Variants in UBE3B observed in about 807,000 individuals in gnomAD.
The protein encoded by UBE3B is ubiquitin-protein ligase E3B.
In UBE3B, 80 loss-of-function variants were observed where a neutral mutation model predicts 132.3. The observed-to-expected ratio is 0.60, with a 90% CI of 0.50 to 0.73. The LOEUF (loss-of-function observed/expected upper bound fraction) is 0.73, where lower values mean the gene tolerates loss of function less well. UBE3B is among the 30% of genes least tolerant of loss of function. The pLI is 0.00. For synonymous variants in UBE3B, 487 were observed against 520.4 expected (o/e 0.94, Z 0.87); for missense variants, 1,196 against 1,362.5 (o/e 0.88, Z 1.92).
intron 6 of UBE3B, among the ~76,000 whole-genome samples, chr12:109,487,060 C>T (rs1876623956): frequency 6.6e-6 from 1 of 152,068 alleles, no homozygotes; most frequent in African/African-American, 2.4e-5. Context: ...GGGGTCACCT[C>T]GTCCTTTCCT....
intron 23 of UBE3B, 94 bp downstream of exon 23, chr12:109,524,597 G>C: frequency 7.2e-7 from 1 of 1,390,276 alleles, no homozygotes; most frequent in Non-Finnish European, 1.0e-6. Context: ...AGAGCCCCAA[G>C]CTGAGGCTCT....
At chr12:109,509,469 C>T (rs1392439570) in intron 15 of UBE3B, 127 bp from the exon 16 acceptor site, 1 of 597,386 alleles carries the variant, frequency 1.7e-6, no homozygotes, top group South Asian at 2.3e-5. Context: ...GTAGATTTTA[C>T]AGTAAGTATC....
In UBE3B at chr12:109,511,400, G is replaced by C. The variant is rs1880355674; in HGVS notation, c.1956+97G>C. The C allele has an allele frequency of 1.4e-5, 15 of 1,092,120 alleles. No homozygotes were observed. In the South Asian group the frequency reaches 2.2e-4, roughly 16 times the overall value. The allele number at this position is 1,092,120 out of a possible 1,614,324, so 67.7% of individuals were successfully genotyped here. A position where few individuals can be genotyped will look rare whatever the true frequency, so the allele number is the denominator to read the frequency against. ...TGCTATGGCAATTGGAGGTGACTAA[G>C]TGGGATCATTCATTCAGCACAAGGA... On this transcript the variant is annotated intron_variant, in intron 18 of 27. Coordinates refer to ENST00000342494, the MANE Select transcript of UBE3B (RefSeq NM_130466.4).
At chr12:109,502,650 C>A (rs1226431134) in intron 13 of UBE3B, among the ~76,000 whole-genome samples, 1 of 152,110 alleles carries the variant, frequency 6.6e-6, no homozygotes, top group African/African-American at 2.4e-5. Context: ...CCTCTAAAGG[C>A]ACAGAAAATA....
At chr12:109,515,070 C>T (rs910346489) in intron 18 of UBE3B, among the ~76,000 whole-genome samples, 1 of 151,808 alleles carries the variant, frequency 6.6e-6, no homozygotes, top group East Asian at 2.0e-4. Flanking sequence ...CTCGCCACCA[C>T]GCCCAGCTAA....
Position 109,503,032 on chromosome 12 carries a change from A to T in UBE3B, c.1292A>T (p.Lys431Met). 1.9e-6 allele frequency: 3 copies of T among 1,614,100 alleles called. No individual in the cohort carries two copies. Among genetic ancestry groups the T allele is most frequent in the Non-Finnish European group, 2.5e-6 (3 of 1,180,022 alleles). The change falls in exon 14 of 28, where the codon AAG (lysine) becomes ATG (methionine). Residue 431 changes from lysine (K) to methionine (M), a missense_variant. Coordinates refer to ENST00000342494, the MANE Select transcript of UBE3B (RefSeq NM_130466.4). The part of the protein sequence containing the change: ...QNVLPVKSLL[K>M]RAFQKSASVR... ...CTTTTCTCCATGCCAGGTCTCCTAA[A>T]GCGTGCTTTTCAAAAGTCGGCATCA...
At chr12:109,486,425 T>G (rs770015961) in intron 5 of UBE3B, 46 bp from the exon 6 acceptor site, 2 of 1,462,270 alleles carry the variant, frequency 1.4e-6, no homozygotes, top group Non-Finnish European at 1.9e-6. Flanking sequence ...ACAAGTGATA[T>G]GATCTCTATA....
rs564255012 is a variant in UBE3B, at chr12:109,489,647, G to A, written c.545-272G>A. 3.2e-4 allele frequency among the ~76,000 whole-genome samples: 49 copies of A among 152,334 alleles called. No homozygotes were observed. The South Asian group carries it at 5.0e-3, about 15-fold the overall frequency. On this transcript the variant is annotated intron_variant, in intron 7 of 27. Transcript: ENST00000342494. ...GGGAATTAGAAAAGGTGCTACAGGC[G>A]CTCAGAGGCCAGAGACGTCACTTCT... is the stretch of plus-strand genomic sequence containing the variant.
chr12:109,536,490 CAAGGAG>C lies in UBE3B; in HGVS notation c.*1709_*1714del, dbSNP rs1566122136. 3 of 151,862 alleles carry C rather than the reference CAAGGAG, an allele frequency of 2.0e-5. No individual in the cohort carries two copies. 9.4% of individuals were successfully genotyped at this position (151,862 alleles called of 1,614,324 possible). A position where few individuals can be genotyped will look rare whatever the true frequency, so the allele number is the denominator to read the frequency against. The stretch of plus-strand genomic sequence containing the variant: ...ATATCAACTTCATGTGGATTTTTGA[CAAGGAG>C]GGGTAGTTTGTAATTTCATTTAAAT... On this transcript the variant is annotated 3_prime_UTR_variant, in exon 28 of 28. Coordinates refer to ENST00000342494, the MANE Select transcript of UBE3B (RefSeq NM_130466.4).
chr12:109,509,550 G>T (rs765491401), intron 15 of UBE3B, 46 bp from the exon 16 acceptor site: 13 of 1,336,276 alleles, frequency 9.7e-6, no homozygotes, highest in East Asian at 2.4e-5. Flanking sequence ...TTTTCTCTTC[G>T]CCTTTTTTCA....
intron 2 of UBE3B, among the ~76,000 whole-genome samples, chr12:109,482,452 T>C (rs1237081049): frequency 6.6e-6 from 1 of 152,224 alleles, no homozygotes; most frequent in Non-Finnish European, 1.5e-5. Context: ...TTCAGAGTTA[T>C]TTCACTTAGG....
At position 109,515,869 on chromosome 12, in the gene UBE3B, A is replaced by AC. The variant is rs141787174; in HGVS notation, c.1957-896_1957-895insC. Among the ~76,000 whole-genome samples, 1,519 of 152,262 alleles carry AC rather than the reference A, an allele frequency of 1.0e-2. 67 individuals carry two copies. The highest frequency in any genetic ancestry group is 0.067 in the Admixed American group (1,020 of 15,288). The stretch of plus-strand genomic sequence containing the variant: ...GTTTAGCAGAATCTTAAGAATAAGG[A>AC]GAGAGGGTTCCTTTCAAGCAGTAAT... On this transcript the variant is annotated intron_variant, in intron 18 of 27. Coordinates refer to ENST00000342494, the MANE Select transcript of UBE3B (RefSeq NM_130466.4).
rs775430715 is a variant in UBE3B at position 109,534,636 on chromosome 12, A to G, written c.3061A>G (p.Ile1021Val). Residue 1021 changes from isoleucine (I) to valine (V), a missense_variant, in exon 28 of 28, where the codon ATC becomes GTC. Transcript: ENST00000342494. The surrounding 1 kb of genome is among the most constrained non-coding windows in gnomAD (Gnocchi z 5.2). ...CAGCGTCCTCCGGGGCTTCTTCACCATCCGCAAGCGGGAGCCAGGCGGCCG... is the reference window on the plus strand; with the variant it reads ...CAGCGTCCTCCGGGGCTTCTTCACCGTCCGCAAGCGGGAGCCAGGCGGCCG... ...LGSVLRGFFT[I>V]RKREPGGRLP... The G allele has an allele frequency of 6.2e-7, 1 of 1,612,058 alleles. No individual in the cohort carries two copies. Among genetic ancestry groups the G allele is most frequent in the East Asian group, 2.2e-5 (1 of 44,680 alleles).
intron 12 of UBE3B, among the ~76,000 whole-genome samples, chr12:109,500,109 C>T (rs1205799081): frequency 6.6e-6 from 1 of 152,114 alleles, no homozygotes; most frequent in Non-Finnish European, 1.5e-5. Context: ...CAGCTATGGA[C>T]CTTATCAATG....
the UBE3B span, among the ~76,000 whole-genome samples, chr12:109,541,795 C>CCTGCGTGCTTGG: frequency 6.6e-6 from 1 of 152,172 alleles, no homozygotes; most frequent in Admixed American, 6.5e-5. Context: ...TCTGGTGGCC[C>CCTGCGTGCTTGG]CTGCGTGCTT....
intron 12 of UBE3B, 49 bp from the exon 13 acceptor site, chr12:109,501,322 C>T (rs1256754460): frequency 6.2e-7 from 1 of 1,609,324 alleles, no homozygotes; most frequent in Non-Finnish European, 8.5e-7. Flanking sequence ...TGGCCCTGGC[C>T]CTGCATCAGA....
chr12:109,483,444 C>G (rs1253088425), intron 2 of UBE3B, 87 bp from the exon 3 acceptor site: 1 of 1,393,756 alleles, frequency 7.2e-7, no homozygotes, highest in Non-Finnish European at 9.5e-7. Context: ...TGCCCAGGTC[C>G]CTGCCCACCC....
intron 8 of UBE3B, 40 bp from the exon 9 acceptor site, chr12:109,491,005 G>A (rs1346083241): frequency 2.5e-6 from 4 of 1,595,198 alleles, no homozygotes; most frequent in Admixed American, 3.4e-5. Flanking sequence ...TGAATATAAA[G>A]TTGATATCAT....
intron 8 of UBE3B, chr12:109,490,413 C>G: frequency 6.6e-7 from 1 of 1,526,562 alleles, no homozygotes. Context: ...GTTGAGAAAG[C>G]CTGATTGCTG....
Sources: gnomAD v4.1 joint callset for allele counts (sites outside exome capture counted in the v4.1 genomes callset) on GRCh38, gnomAD v4.1.1 for gene constraint, Gnocchi (gnomAD v3.1) non-coding constraint, MANE v1.5 for transcripts, NCBI Gene and HGNC (gene_info 2026-07-23, HGNC 2026-07-21) for gene names.